Variants in KCNH5 observed in about 807,000 individuals in gnomAD.
KCNH5 encodes the protein potassium voltage-gated channel subfamily H member 5, also known as voltage-gated delayed rectifier potassium channel KCNH5.
In KCNH5, 46 loss-of-function variants were observed where a neutral mutation model predicts 96.1. That is an observed-to-expected ratio of 0.48 (90% CI 0.38 to 0.61). The LOEUF (loss-of-function observed/expected upper bound fraction) is 0.61, where lower values mean the gene tolerates loss of function less well. KCNH5 is among the 20% of genes least tolerant of loss of function. The pLI is 0.00. For synonymous variants in KCNH5, 439 were observed against 449.8 expected (o/e 0.98, Z 0.30); for missense variants, 907 against 1,225.8 (o/e 0.74, Z 3.88).
chr14:62,741,019 T>A (rs969263712), intron 10 of KCNH5, among the ~76,000 whole-genome samples: 4 of 152,188 alleles, frequency 2.6e-5, no homozygotes, highest in Non-Finnish European at 4.4e-5. Context: ...ATTCTGAGTA[T>A]GAAACAAAAG....
intron 7 of KCNH5, among the ~76,000 whole-genome samples, chr14:62,889,606 G>A (rs192224592): frequency 1.8e-4 from 27 of 152,212 alleles, no homozygotes; most frequent in Non-Finnish European, 3.2e-4. Flanking sequence ...CTGCCTCTCC[G>A]ATTCCTAAGA....
chr14:62,913,264 G>A (rs1391816821), intron 7 of KCNH5, among the ~76,000 whole-genome samples: 3 of 151,694 alleles, frequency 2.0e-5, no homozygotes, highest in Non-Finnish European at 4.4e-5. Context: ...TTTTGCTCTT[G>A]TCTCCCAGGC....
chr14:63,016,953 T>C lies in KCNH5; in HGVS notation c.75A>G (p.Glu25=), dbSNP rs1891338185. The C allele has an allele frequency of 6.2e-7, 1 of 1,601,510 alleles. No individual in the cohort carries two copies. Among genetic ancestry groups the C allele is most frequent in the Non-Finnish European group, 8.5e-7 (1 of 1,175,576 alleles). The change falls in exon 2 of 11, where the codon GAA becomes GAG. Residue 25 remains glutamate, a splice_region_variant and synonymous_variant. Coordinates refer to ENST00000322893, the MANE Select transcript of KCNH5 (RefSeq NM_139318.5). ...FLENIVRRSS[E]SSFLLGNAQI... The stretch of plus-strand genomic sequence containing the variant: ...GGGCATTTCCCAGTAAGAAACTTGA[T>C]TCTGAAGAAGAAAGGAGAAAAAAGG...
intron 7 of KCNH5, among the ~76,000 whole-genome samples, chr14:62,869,669 AG>A (rs1888211943): frequency 6.6e-6 from 1 of 151,840 alleles, no homozygotes; most frequent in Non-Finnish European, 1.5e-5. Context: ...TAGGTCTTGG[AG>A]GCATCACACT....
chr14:62,794,916 G>T (rs909418511), intron 9 of KCNH5, among the ~76,000 whole-genome samples: 5 of 151,986 alleles, frequency 3.3e-5, no homozygotes, highest in Admixed American at 6.6e-5. Flanking sequence ...TTCCTTCAAT[G>T]AATGTAATTT....
At chr14:62,758,176 T>C (rs10047827) in intron 10 of KCNH5, among the ~76,000 whole-genome samples, 42,907 of 151,032 alleles carry the variant, frequency 0.28, 6,691 homozygotes, top group South Asian at 0.53. Context: ...AAATAGTTAA[T>C]ATGACCTAGT....
At chr14:62,874,285 A>G (rs1231731960) in intron 7 of KCNH5, among the ~76,000 whole-genome samples, 3 of 152,338 alleles carry the variant, frequency 2.0e-5, no homozygotes, top group South Asian at 4.1e-4. Context: ...ACAAGAAAAA[A>G]AAACCTCATC....
intron 8 of KCNH5, among the ~76,000 whole-genome samples, chr14:62,826,457 G>A (rs1887229626): frequency 7.0e-6 from 1 of 143,706 alleles, no homozygotes; most frequent in Admixed American, 7.2e-5. Flanking sequence ...CATTTTCAAG[G>A]ATTTTCCTTT....
chr14:62,711,026 T>C (rs1884555833), intron 10 of KCNH5, among the ~76,000 whole-genome samples: 1 of 152,178 alleles, frequency 6.6e-6, no homozygotes, highest in Non-Finnish European at 1.5e-5. Flanking sequence ...AGATTTGGTA[T>C]TACTGACATC....
intron 9 of KCNH5, among the ~76,000 whole-genome samples, chr14:62,791,702 G>C (rs1886438879): frequency 6.6e-6 from 1 of 151,576 alleles, no homozygotes; most frequent in Admixed American, 6.6e-5. Flanking sequence ...AATGTTAAAG[G>C]CATCAATTTA....
At chr14:62,905,628 G>A (rs568474730) in intron 7 of KCNH5, among the ~76,000 whole-genome samples, 6 of 152,134 alleles carry the variant, frequency 3.9e-5, no homozygotes, top group Non-Finnish European at 5.9e-5. Flanking sequence ...TGGAAATCCT[G>A]TCACCTTCCC....
At position 62,951,677 on chromosome 14, in the gene KCNH5, T is replaced by C. The variant is rs548949920; in HGVS notation, c.943-1118A>G. Among the ~76,000 whole-genome samples the C allele has an allele frequency of 6.6e-5, 10 of 152,260 alleles. No homozygotes were observed. The East Asian group carries it at 1.7e-3, about 26-fold the overall frequency. On this transcript the variant is annotated intron_variant, in intron 6 of 10. Coordinates refer to ENST00000322893, the MANE Select transcript of KCNH5 (RefSeq NM_139318.5). ...TTCCTGACAGTTAAGAAGGAAACAG[T>C]TGGCAGGGCACAGTGGCTCATGCCT...
At chr14:62,934,141 T>TTG (rs1889632775) in intron 7 of KCNH5, among the ~76,000 whole-genome samples, 1 of 151,326 alleles carries the variant, frequency 6.6e-6, no homozygotes, top group African/African-American at 2.4e-5. Flanking sequence ...TCTTTCTTTT[T>TTG]TTTTTTTTGA....
chr14:62,952,023 C>G (rs910737791), intron 6 of KCNH5, among the ~76,000 whole-genome samples: 5 of 149,090 alleles, frequency 3.4e-5, no homozygotes, highest in Non-Finnish European at 4.5e-5. Context: ...ATACTATATT[C>G]TATAAGACAG....
intron 6 of KCNH5, among the ~76,000 whole-genome samples, chr14:62,967,961 A>C (rs1890334279): frequency 6.6e-6 from 1 of 152,212 alleles, no homozygotes; most frequent in African/African-American, 2.4e-5. Context: ...CAAATAAAGG[A>C]AGCTCAATGC....
At chr14:62,813,550 C>T (rs906125562) in intron 8 of KCNH5, among the ~76,000 whole-genome samples, 4 of 152,094 alleles carry the variant, frequency 2.6e-5, no homozygotes, top group Non-Finnish European at 4.4e-5. Flanking sequence ...TCAGCTATTT[C>T]TAATAATAAT....
chr14:63,015,738 T>C (rs575594366), intron 2 of KCNH5, among the ~76,000 whole-genome samples: 40 of 152,026 alleles, frequency 2.6e-4, no homozygotes, highest in African/African-American at 9.6e-4. Flanking sequence ...AACCCACATA[T>C]ATAAAAAGTC....
At chr14:63,028,153 C>T (rs945445828) in intron 1 of KCNH5, among the ~76,000 whole-genome samples, 1 of 151,992 alleles carries the variant, frequency 6.6e-6, no homozygotes, top group Admixed American at 6.6e-5. Context: ...GTTTTCAAGA[C>T]ATTTGTTAGG....
chr14:62,921,832 G>C (rs1430054858), intron 7 of KCNH5, among the ~76,000 whole-genome samples: 1 of 152,044 alleles, frequency 6.6e-6, no homozygotes. Flanking sequence ...CAGCCTTGTG[G>C]AGCAAGATTT....
Sources: allele counts gnomAD v4.1 joint callset (sites outside exome capture counted in the v4.1 genomes callset), GRCh38; gene constraint gnomAD v4.1.1; transcripts MANE v1.5; gene names NCBI Gene and HGNC (gene_info 2026-07-23, HGNC 2026-07-21).